PPP6C: variants seen among roughly 807,000 people sequenced by gnomAD.
The protein encoded by PPP6C is serine/threonine-protein phosphatase 6 catalytic subunit.
In PPP6C, 11 loss-of-function variants were observed where a neutral mutation model predicts 39.8. The ratio of observed to expected loss-of-function variants is 0.28; its 90% CI spans 0.17 to 0.46. The LOEUF is 0.46. Ranked by LOEUF, PPP6C falls within the 20% of genes least tolerant of loss-of-function variation. The pLI is 1.00. For missense variants in PPP6C, 211 were observed against 373.9 expected, an observed-to-expected ratio of 0.56 and a Z score of 3.59; for synonymous variants, 129 against 130.3, an observed-to-expected ratio of 0.99 and a Z score of 0.07.
At chr9:125,171,616 C>T (rs10986606) in intron 1 of PPP6C, among the ~76,000 whole-genome samples, 34,834 of 148,894 alleles carry the variant, frequency 0.23, 4,598 homozygotes, top group Non-Finnish European at 0.3. Flanking sequence ...TGCAGTGACA[C>T]GATCTCGGCT....
intron 1 of PPP6C, chr9:125,188,889 A>C (rs1159057578): frequency 6.5e-7 from 1 of 1,536,728 alleles, no homozygotes; most frequent in South Asian, 1.2e-5. Flanking sequence ...ATTTACTCTT[A>C]CTTGGACTCA....
At chr9:125,171,588 C>G (rs1254920148) in intron 1 of PPP6C, among the ~76,000 whole-genome samples, 2 of 147,366 alleles carry the variant, frequency 1.4e-5, no homozygotes, top group African/African-American at 5.0e-5. Context: ...GAGTCTCACT[C>G]TGTCTCCCAG....
At chr9:125,168,437 C>T (rs1339271598) in intron 2 of PPP6C, among the ~76,000 whole-genome samples, 1 of 152,116 alleles carries the variant, frequency 6.6e-6, no homozygotes, top group Non-Finnish European at 1.5e-5. Flanking sequence ...GCTCAAATCC[C>T]ATGTTTCTGA....
Position 125,189,771 on chromosome 9 carries a change from G to T in PPP6C, c.-53C>A. 1.3e-6 allele frequency: 2 copies of T among 1,536,726 alleles called. No individual in the cohort carries two copies. Among genetic ancestry groups the T allele is most frequent in the South Asian group, 2.4e-5 (2 of 83,860 alleles). ...CGGCGGCGGCGGCTGTAGCAGCGGC[G>T]GCGGCAGCGGCGGAGGCCGAAGCCG... On this transcript the variant is annotated 5_prime_UTR_variant, in exon 1 of 7. Transcript: ENST00000373547.
rs551204299 is a variant in PPP6C, at chr9:125,164,967, G to A, written c.172-4061C>T. 4.6e-3 allele frequency among the ~76,000 whole-genome samples: 706 copies of A among 151,918 alleles called. 4 individuals are homozygous for A. The highest frequency in any genetic ancestry group is 8.1e-3 in the Non-Finnish European group (550 of 67,918). ...TTGGCCAGGATGGTCTTGATCTCTT[G>A]ACCTCGTGATCCGCCCGCCTCGGCC... On this transcript the variant is annotated intron_variant, in intron 2 of 6. Coordinates refer to ENST00000373547, the MANE Select transcript of PPP6C (RefSeq NM_002721.5).
chr9:125,153,473 A>C, intron 6 of PPP6C, 60 bp downstream of exon 6: 1 of 1,489,270 alleles, frequency 6.7e-7, no homozygotes, highest in Non-Finnish European at 9.3e-7. Context: ...GGGCCACCAT[A>C]GTTCTCTATG....
chr9:125,162,153 C>A (rs1828891175), intron 2 of PPP6C, among the ~76,000 whole-genome samples: 1 of 151,626 alleles, frequency 6.6e-6, no homozygotes, highest in Non-Finnish European at 1.5e-5. Context: ...AGCTAACAGG[C>A]CAAGCTGCTC....
At chr9:125,172,099 T>A (rs1300591388) in intron 1 of PPP6C, 2 of 358,538 alleles carry the variant, frequency 5.6e-6, no homozygotes, top group Non-Finnish European at 5.5e-6. Context: ...AAGAAACGAA[T>A]ACTGCCACAC....
chr9:125,161,969 A>G (rs1395245468), intron 2 of PPP6C, among the ~76,000 whole-genome samples: 1 of 152,146 alleles, frequency 6.6e-6, no homozygotes, highest in Non-Finnish European at 1.5e-5. Flanking sequence ...TATCATTTAA[A>G]CTTTTAACAC....
intron 2 of PPP6C, 103 bp from the exon 3 acceptor site, chr9:125,161,009 A>G (rs917932066): frequency 6.1e-6 from 4 of 656,792 alleles, no homozygotes; most frequent in Admixed American, 3.6e-5. Context: ...GAGGACTCCA[A>G]ATATTTACAT....
intron 2 of PPP6C, among the ~76,000 whole-genome samples, chr9:125,169,109 G>A (rs1423715502): frequency 6.6e-6 from 1 of 152,198 alleles, no homozygotes; most frequent in Non-Finnish European, 1.5e-5. Context: ...TCACGGTTTG[G>A]TGGTGGTCTT....
At chr9:125,166,390 C>T (rs1276630876) in intron 2 of PPP6C, among the ~76,000 whole-genome samples, 4 of 152,102 alleles carry the variant, frequency 2.6e-5, no homozygotes, top group Admixed American at 1.3e-4. Context: ...TGGCCCACTT[C>T]CTTCACTTTT....
intron 2 of PPP6C, among the ~76,000 whole-genome samples, chr9:125,167,389 AAAAAAAAAAAGAAAT>A (rs1205378696): frequency 4.3e-5 from 6 of 138,056 alleles, no homozygotes; most frequent in Admixed American, 7.3e-5. Flanking sequence ...CAAAAAAAAA[AAAAAAAAAAAGAAAT>A]AAAAAAAAGG....
intron 6 of PPP6C, chr9:125,151,663 G>A (rs1436720928): frequency 6.1e-5 from 34 of 557,944 alleles, no homozygotes; most frequent in Middle Eastern, 5.5e-4. Flanking sequence ...ATTTGATGAC[G>A]AATTCAGCAG....
intron 2 of PPP6C, among the ~76,000 whole-genome samples, chr9:125,164,508 G>A (rs151089412): frequency 4.0e-5 from 6 of 151,872 alleles, no homozygotes; most frequent in Non-Finnish European, 5.9e-5. Context: ...GATTACAGGC[G>A]TGAGCCACTG....
chr9:125,161,886 T>C (rs573672638), intron 2 of PPP6C, among the ~76,000 whole-genome samples: 4 of 152,282 alleles, frequency 2.6e-5, no homozygotes, highest in Non-Finnish European at 2.9e-5. Flanking sequence ...ATTAAGGGAA[T>C]TGACTACAAT....
chr9:125,185,228 A>G (rs1339277971), intron 1 of PPP6C, among the ~76,000 whole-genome samples: 2 of 150,314 alleles, frequency 1.3e-5, no homozygotes, highest in African/African-American at 4.9e-5. Context: ...ACTGTGGTCC[A>G]TTTACTTTCA....
In PPP6C at chr9:125,148,389, T is replaced by C. The variant is rs1835857973; in HGVS notation, c.*1284A>G. On this transcript the variant is annotated 3_prime_UTR_variant, in exon 7 of 7. Coordinates refer to ENST00000373547, the MANE Select transcript of PPP6C (RefSeq NM_002721.5). The stretch of plus-strand genomic sequence containing the variant: ...ACAGTCATAAGAGATACTGGAATAC[T>C]TGTCCTTATTAAGTGGACAGTTGCA... The C allele has an allele frequency of 6.6e-6, 1 of 152,214 alleles. No individual in the cohort carries two copies. Among genetic ancestry groups the C allele is most frequent in the African/African-American group, 2.4e-5 (1 of 41,446 alleles). The allele number at this position is 152,214 out of a possible 1,614,324, so 9.4% of individuals were successfully genotyped here. A position where few individuals can be genotyped will look rare whatever the true frequency, so the allele number is the denominator to read the frequency against.
At chr9:125,160,777 A>C (rs886277571) in intron 3 of PPP6C, 64 bp downstream of exon 3, 1 of 1,159,700 alleles carries the variant, frequency 8.6e-7, no homozygotes, top group African/African-American at 1.6e-5. Flanking sequence ...TATGCAATTT[A>C]CATTTAATAA....
Sources: gnomAD v4.1 joint callset for allele counts (sites outside exome capture counted in the v4.1 genomes callset) on GRCh38, gnomAD v4.1.1 for gene constraint, MANE v1.5 for transcripts, NCBI Gene and HGNC (gene_info 2026-07-23, HGNC 2026-07-21) for gene names.